TIAM1: variants seen among roughly 807,000 people sequenced by gnomAD.
The protein encoded by TIAM1 is rho guanine nucleotide exchange factor TIAM1.
A neutral mutation model predicts 163.5 loss-of-function variants in TIAM1; 65 were observed. That is an observed-to-expected ratio of 0.40 (90% CI 0.33 to 0.49). TIAM1 has a LOEUF of 0.49. Ranked by LOEUF, TIAM1 falls within the 20% of genes least tolerant of loss-of-function variation. The pLI is 0.77. For synonymous variants in TIAM1, 833 were observed against 810.1 expected, an observed-to-expected ratio of 1.03 and a Z score of -0.48; for missense variants, 1,789 against 2,044.7, an observed-to-expected ratio of 0.87 and a Z score of 2.41.
chr21:31,437,744 C>T (rs778460112), intron 2 of TIAM1, among the ~76,000 whole-genome samples: 1 of 152,106 alleles, frequency 6.6e-6, no homozygotes, highest in Non-Finnish European at 1.5e-5. Flanking sequence ...GCTCTGGCCA[C>T]GTAAGAGTTG....
intron 9 of TIAM1, among the ~76,000 whole-genome samples, chr21:31,215,144 C>T (rs1394752810): frequency 6.6e-6 from 1 of 151,870 alleles, no homozygotes; most frequent in Non-Finnish European, 1.5e-5. Flanking sequence ...TAGAAAAGGG[C>T]GGTAACATAA....
At position 31,185,570 on chromosome 21, in the gene TIAM1, T is replaced by A. The variant is rs1000544227; in HGVS notation, c.2662+1431A>T. On this transcript the variant is annotated intron_variant, in intron 14 of 27. Transcript: ENST00000541036. Reference sequence around the variant, plus strand: ...TATATTATATATTAATATAATATATTATATATTAATATAATATATTATATA... The same window carrying A: ...TATATTATATATTAATATAATATATAATATATTAATATAATATATTATATA... Among the ~76,000 whole-genome samples, 55 of 143,170 alleles carry A rather than the reference T, an allele frequency of 3.8e-4. 1 individual carries two copies. In the East Asian group the frequency reaches 5.3e-3, roughly 14 times the overall value. The allele number at this position is 143,170 out of a possible 152,430, so 93.9% of individuals were successfully genotyped here.
In TIAM1 at chr21:31,223,568, G is replaced by A. The variant is rs145360699; in HGVS notation, c.1833C>T (p.Leu611=). The part of the protein sequence containing the change: ...LDQIFVWEQN[L]EQFQMDLFRF... ...GAAACAGGTCCATTTGGAACTGCTCGAGATTTTGCTCCCAGACAAAGATCT... is the reference window on the plus strand; with the variant it reads ...GAAACAGGTCCATTTGGAACTGCTCAAGATTTTGCTCCCAGACAAAGATCT... Residue 611 remains leucine (L), a synonymous_variant, in exon 8 of 28, where the codon CTC becomes CTT. Transcript: ENST00000541036. 1,502 of 1,598,254 alleles carry A rather than the reference G, an allele frequency of 9.4e-4. 3 individuals are homozygous for A. The highest frequency in any genetic ancestry group is 1.2e-3 in the Non-Finnish European group (1,406 of 1,172,804).
At chr21:31,135,256 T>C (rs781281247) in intron 23 of TIAM1, among the ~76,000 whole-genome samples, 1 of 152,352 alleles carries the variant, frequency 6.6e-6, no homozygotes, top group Admixed American at 6.5e-5. Flanking sequence ...TCCTAAATTA[T>C]ATGCTAACCC....
intron 12 of TIAM1, among the ~76,000 whole-genome samples, chr21:31,198,720 A>G (rs571959353): frequency 6.6e-6 from 1 of 152,184 alleles, no homozygotes; most frequent in Non-Finnish European, 1.5e-5. Context: ...TTTCCACAGG[A>G]TCTAGTGGGA....
chr21:31,308,329 C>T (rs939667176), intron 2 of TIAM1, among the ~76,000 whole-genome samples: 1 of 151,928 alleles, frequency 6.6e-6, no homozygotes, highest in East Asian at 1.9e-4. Context: ...CTCATTTCCT[C>T]GTTTGTATAA....
At chr21:31,151,646 G>T (rs1428118710) in intron 19 of TIAM1, among the ~76,000 whole-genome samples, 2 of 152,152 alleles carry the variant, frequency 1.3e-5, no homozygotes, top group African/African-American at 4.8e-5. Context: ...TGTCCTGATT[G>T]TGACGATGGT....
At chr21:31,444,929 C>T (rs1390008262) in intron 2 of TIAM1, among the ~76,000 whole-genome samples, 9 of 151,884 alleles carry the variant, frequency 5.9e-5, no homozygotes, top group Admixed American at 5.3e-4. Context: ...ACCTGGGAGG[C>T]GGAGGTTGCA....
intron 2 of TIAM1, among the ~76,000 whole-genome samples, chr21:31,319,697 A>G (rs1161272894): frequency 6.7e-6 from 1 of 149,912 alleles, no homozygotes; most frequent in Non-Finnish European, 1.5e-5. Context: ...GGAGAATGGC[A>G]TGAACCCGGG....
intron 2 of TIAM1, among the ~76,000 whole-genome samples, chr21:31,354,547 C>G (rs1267171256): frequency 1.3e-5 from 2 of 152,096 alleles, no homozygotes; most frequent in Non-Finnish European, 2.9e-5. Flanking sequence ...TTACACTGAC[C>G]TATTTATAAT....
At chr21:31,303,754 G>A (rs2074589637) in intron 2 of TIAM1, among the ~76,000 whole-genome samples, 3 of 152,032 alleles carry the variant, frequency 2.0e-5, no homozygotes, top group African/African-American at 4.8e-5. Context: ...GAGGCGGGTG[G>A]ATCACCTGAG....
At chr21:31,218,222 G>A (rs929221258) in intron 8 of TIAM1, among the ~76,000 whole-genome samples, 17 of 152,120 alleles carry the variant, frequency 1.1e-4, no homozygotes, top group Non-Finnish European at 1.8e-4. Flanking sequence ...AAAATCAGAC[G>A]AGTGATCATT....
chr21:31,201,333 A>C (rs2086189878), intron 12 of TIAM1, among the ~76,000 whole-genome samples: 1 of 152,232 alleles, frequency 6.6e-6, no homozygotes, highest in Non-Finnish European at 1.5e-5. Flanking sequence ...AATGTACTGA[A>C]CACAGAACAG....
chr21:31,487,138 A>G (rs1569375002), intron 1 of TIAM1, among the ~76,000 whole-genome samples: 1 of 152,218 alleles, frequency 6.6e-6, no homozygotes, highest in Admixed American at 6.5e-5. Flanking sequence ...TGACTGGTCC[A>G]GTCCAGGGGT....
intron 5 of TIAM1, among the ~76,000 whole-genome samples, chr21:31,246,381 G>A (rs1279756629): frequency 2.0e-5 from 3 of 152,092 alleles, no homozygotes; most frequent in African/African-American, 7.2e-5. Flanking sequence ...ATAGACTTGT[G>A]GCAAGATGGC....
intron 1 of TIAM1, among the ~76,000 whole-genome samples, chr21:31,555,965 A>G (rs2048863910): frequency 6.6e-6 from 1 of 151,902 alleles, no homozygotes; most frequent in Admixed American, 6.6e-5. Context: ...GGGAGGGGAG[A>G]AGAGAGGAGC....
intron 2 of TIAM1, among the ~76,000 whole-genome samples, chr21:31,318,158 C>T (rs1424640892): frequency 6.6e-6 from 1 of 152,184 alleles, no homozygotes; most frequent in Admixed American, 6.5e-5. Context: ...AATGCAGTGG[C>T]ACCATCTCAG....
intron 2 of TIAM1, among the ~76,000 whole-genome samples, chr21:31,377,556 C>A (rs2076708417): frequency 6.6e-6 from 1 of 152,152 alleles, no homozygotes; most frequent in Admixed American, 6.5e-5. Context: ...CTACATCACG[C>A]CTCTGACAGA....
intron 20 of TIAM1, among the ~76,000 whole-genome samples, chr21:31,142,671 G>GA (rs1184339051): frequency 3.3e-5 from 5 of 150,132 alleles, no homozygotes; most frequent in African/African-American, 7.3e-5. Flanking sequence ...AAAAGAAAAA[G>GA]AAAAAAAAGG....
Sources: allele counts gnomAD v4.1 joint callset (sites outside exome capture counted in the v4.1 genomes callset), GRCh38; gene constraint gnomAD v4.1.1; transcripts MANE v1.5; gene names NCBI Gene and HGNC (gene_info 2026-07-23, HGNC 2026-07-21).